The following EPHB1 variants were observed in gnomAD, a reference collection of about 807,000 sequenced individuals.
EPHB1 encodes the protein ephrin type-B receptor 1.
In EPHB1, 30 loss-of-function variants were observed where a neutral mutation model predicts 94.4. That is an observed-to-expected ratio of 0.32 (90% CI 0.24 to 0.43). The LOEUF (loss-of-function observed/expected upper bound fraction) is 0.43, where lower values mean the gene tolerates loss of function less well. Among genes scored for constraint, EPHB1 ranks in the 20% least tolerant of loss-of-function variants. EPHB1 has a pLI of 1.00. For missense variants in EPHB1, 1,055 were observed against 1,308.3 expected (o/e 0.81, Z 2.99); for synonymous variants, 522 against 489.1 (o/e 1.07, Z -0.89).
At chr3:134,845,606 G>A (rs867752829) in intron 1 of EPHB1, among the ~76,000 whole-genome samples, 6 of 146,862 alleles carry the variant, frequency 4.1e-5, no homozygotes, top group Admixed American at 2.7e-4. Flanking sequence ...CCAGGGCAGA[G>A]AGTCAGGCGT....
At chr3:134,905,483 G>A (rs2038304112) in intron 1 of EPHB1, among the ~76,000 whole-genome samples, 1 of 152,250 alleles carries the variant, frequency 6.6e-6, no homozygotes, top group South Asian at 2.1e-4. Flanking sequence ...GGCAGGGCAA[G>A]CATTCTGCTT....
chr3:134,992,648 G>C (rs1049916025), intron 3 of EPHB1, among the ~76,000 whole-genome samples: 4 of 152,146 alleles, frequency 2.6e-5, no homozygotes, highest in Non-Finnish European at 5.9e-5. Context: ...GGGGCTCACA[G>C]CCTTCAAGTG....
intron 4 of EPHB1, among the ~76,000 whole-genome samples, chr3:135,108,100 C>G (rs1939293123): frequency 6.6e-6 from 1 of 152,194 alleles, no homozygotes; most frequent in African/African-American, 2.4e-5. Context: ...AGTATTCCTC[C>G]TGAAAACGCT....
chr3:134,999,262 T>G (rs944244780), intron 3 of EPHB1, among the ~76,000 whole-genome samples: 4 of 151,782 alleles, frequency 2.6e-5, no homozygotes, highest in African/African-American at 9.7e-5. Context: ...TGCCGGAAGG[T>G]TTTTTGAGTT....
intron 1 of EPHB1, among the ~76,000 whole-genome samples, chr3:134,809,199 GT>G (rs1450825192): frequency 3.9e-5 from 6 of 152,154 alleles, no homozygotes; most frequent in African/African-American, 1.4e-4. Context: ...GATCTTCAAA[GT>G]CATTTGCAGA....
chr3:135,193,513 G>A (rs1046692650), intron 11 of EPHB1, among the ~76,000 whole-genome samples: 2 of 152,198 alleles, frequency 1.3e-5, no homozygotes, highest in Non-Finnish European at 2.9e-5. Flanking sequence ...GAGGAAGGGT[G>A]AATGAGAATG....
chr3:134,850,083 C>T (rs1578135579), intron 1 of EPHB1, among the ~76,000 whole-genome samples: 1 of 152,174 alleles, frequency 6.6e-6, no homozygotes, highest in East Asian at 1.9e-4. Flanking sequence ...TACTGTGGCT[C>T]CAGGGAAGAC....
chr3:135,124,155 A>T (rs1459446957), intron 4 of EPHB1, among the ~76,000 whole-genome samples: 1 of 151,726 alleles, frequency 6.6e-6, no homozygotes, highest in Admixed American at 6.6e-5. Context: ...AACCAAGTAC[A>T]TTCCCACCTC....
intron 3 of EPHB1, among the ~76,000 whole-genome samples, chr3:134,990,008 C>A (rs1303316225): frequency 1.3e-5 from 2 of 152,024 alleles, no homozygotes; most frequent in South Asian, 2.1e-4. Flanking sequence ...AGGTTTATAA[C>A]TTGTTTTGGT....
chr3:134,901,411 T>C (rs2038201793), intron 1 of EPHB1, among the ~76,000 whole-genome samples: 1 of 152,254 alleles, frequency 6.6e-6, no homozygotes, highest in African/African-American at 2.4e-5. Context: ...ACATGTCCTA[T>C]AGCATTTCCC....
At chr3:135,061,364 G>GCCCC (rs1937500002) in intron 3 of EPHB1, among the ~76,000 whole-genome samples, 1 of 37,628 alleles carries the variant, frequency 2.7e-5, no homozygotes, top group Non-Finnish European at 8.1e-5. Flanking sequence ...ACTTAGGAAT[G>GCCCC]ACCACCCCCC....
At chr3:135,195,812 T>G in intron 11 of EPHB1, among the ~76,000 whole-genome samples, 1 of 126,084 alleles carries the variant, frequency 7.9e-6, no homozygotes, top group African/African-American at 3.8e-5. Flanking sequence ...CGTGTGTCTT[T>G]ATAGCAGCAT....
At chr3:135,222,365 G>A (rs972504868) in intron 12 of EPHB1, among the ~76,000 whole-genome samples, 5 of 152,130 alleles carry the variant, frequency 3.3e-5, no homozygotes, top group East Asian at 1.9e-4. Flanking sequence ...CAATGCAAAC[G>A]CAATATGTGA....
At chr3:135,112,546 C>A (rs559792743) in intron 4 of EPHB1, among the ~76,000 whole-genome samples, 7 of 111,336 alleles carry the variant, frequency 6.3e-5, no homozygotes, top group Non-Finnish European at 8.9e-5. Context: ...CCCCTCCCCC[C>A]ACCCCACAAC....
chr3:134,897,323 T>C (rs933428783), intron 1 of EPHB1, among the ~76,000 whole-genome samples: 2 of 151,848 alleles, frequency 1.3e-5, no homozygotes, highest in Admixed American at 6.6e-5. Context: ...GCAATGTCAT[T>C]CTTGGGTCAG....
chr3:135,257,938 G>A (rs144013288), intron 15 of EPHB1, among the ~76,000 whole-genome samples: 23 of 152,286 alleles, frequency 1.5e-4, no homozygotes, highest in Admixed American at 3.9e-4. Flanking sequence ...TAAGCCTGTC[G>A]GAAAAGTGCA....
chr3:135,069,257 C>G (rs896035468), intron 3 of EPHB1, among the ~76,000 whole-genome samples: 2 of 151,570 alleles, frequency 1.3e-5, no homozygotes, highest in Non-Finnish European at 2.9e-5. Flanking sequence ...GTAATCAATT[C>G]AATTAAAAAC....
intron 3 of EPHB1, among the ~76,000 whole-genome samples, chr3:135,073,133 T>A (rs951935732): frequency 1.3e-5 from 2 of 152,036 alleles, no homozygotes; most frequent in African/African-American, 4.8e-5. Context: ...ATTGTATGAT[T>A]TTTTTCTAGG....
At chr3:134,828,578 G>A (rs1259008494) in intron 1 of EPHB1, among the ~76,000 whole-genome samples, 1 of 152,246 alleles carries the variant, frequency 6.6e-6, no homozygotes, top group Non-Finnish European at 1.5e-5. Flanking sequence ...CAGGCAGTGA[G>A]TTTGGGGCAC....
Sources: gnomAD v4.1 joint callset for allele counts (sites outside exome capture counted in the v4.1 genomes callset) on GRCh38, gnomAD v4.1.1 for gene constraint, MANE v1.5 for transcripts, NCBI Gene and HGNC (gene_info 2026-07-23, HGNC 2026-07-21) for gene names.